SHB: variants seen among roughly 807,000 people sequenced by gnomAD.
The protein encoded by SHB is SH2 domain containing adaptor protein B.
Under a neutral mutation model 52.3 loss-of-function variants are expected in SHB, and 20 were observed. That is an observed-to-expected ratio of 0.38 (90% CI 0.27 to 0.56). The LOEUF is 0.56. SHB is among the 20% of genes least tolerant of loss of function. SHB has a pLI of 0.71. For synonymous variants in SHB, 397 were observed against 316.5 expected, an observed-to-expected ratio of 1.25 and a Z score of -2.70; for missense variants, 825 against 723.3, an observed-to-expected ratio of 1.14 and a Z score of -1.61.
chr9:38,034,691 G>A (rs1018187624), intron 1 of SHB, among the ~76,000 whole-genome samples: 1 of 152,252 alleles, frequency 6.6e-6, no homozygotes, highest in South Asian at 2.1e-4. Context: ...CATGTTTTTG[G>A]TTTGTTCATT....
intron 2 of SHB, among the ~76,000 whole-genome samples, chr9:38,013,528 T>G (rs1821169307): frequency 6.6e-6 from 1 of 152,206 alleles, no homozygotes; most frequent in Non-Finnish European, 1.5e-5. Flanking sequence ...TGCTTGAGCC[T>G]GGGAGGCGAA....
intron 3 of SHB, among the ~76,000 whole-genome samples, chr9:37,959,968 C>T (rs1181101647): frequency 6.6e-6 from 1 of 152,128 alleles, no homozygotes; most frequent in African/African-American, 2.4e-5. Flanking sequence ...ACTTAATGAA[C>T]TGCTGTTTAG....
chr9:37,919,837 G>A lies in SHB; in HGVS notation c.1514C>T (p.Ala505Val). The A allele has an allele frequency of 6.2e-7, 1 of 1,613,650 alleles. No individual in the cohort carries two copies. Among genetic ancestry groups the A allele is most frequent in the Non-Finnish European group, 8.5e-7 (1 of 1,179,926 alleles). The part of the protein sequence containing the change: ...AEHLSLLYPV[A>V]VRTL ...CTGGTCCGCTCACAGGGTCCTCACA[G>A]CCACGGGATAGAGGAGGGACAAGTG... The change falls in exon 6 of 6, where the codon GCT (alanine) becomes GTT (valine). Residue 505 changes from alanine to valine, a missense_variant. Transcript: ENST00000377707.
chr9:38,009,776 T>C (rs1156877788), intron 2 of SHB, among the ~76,000 whole-genome samples: 2 of 152,220 alleles, frequency 1.3e-5, no homozygotes, highest in Non-Finnish European at 2.9e-5. Flanking sequence ...AGAAGGCCAG[T>C]TGTAAGCAAG....
chr9:37,919,526 T>C lies in SHB; in HGVS notation c.*295A>G. 1.7e-5 allele frequency: 3 copies of C among 174,856 alleles called. No individual in the cohort carries two copies. Among genetic ancestry groups the C allele is most frequent in the South Asian group, 1.0e-4 (1 of 9,760 alleles). The allele number at this position is 174,856 out of a possible 1,614,324, so 10.8% of individuals were successfully genotyped here. A position where few individuals can be genotyped will look rare whatever the true frequency, so the allele number is the denominator to read the frequency against. On this transcript the variant is annotated 3_prime_UTR_variant, in exon 6 of 6. Coordinates refer to ENST00000377707, the MANE Select transcript of SHB (RefSeq NM_003028.3). ...CCCCGCCCCTCGGAGCTGGTCTGCC[T>C]TTGTTCATCCTGGAAGGCATCTCTT... is the stretch of plus-strand genomic sequence containing the variant.
chr9:37,950,719 C>T (rs1234584196), intron 4 of SHB, among the ~76,000 whole-genome samples: 2 of 152,154 alleles, frequency 1.3e-5, no homozygotes, highest in African/African-American at 4.8e-5. Flanking sequence ...AGGATCATGC[C>T]AACCTCTCTT....
chr9:38,011,410 A>T (rs1821141498), intron 2 of SHB, among the ~76,000 whole-genome samples: 1 of 152,172 alleles, frequency 6.6e-6, no homozygotes, highest in Non-Finnish European at 1.5e-5. Context: ...GAAGATGAAA[A>T]GGGGAAATAG....
At chr9:38,010,787 C>A (rs934000009) in intron 2 of SHB, among the ~76,000 whole-genome samples, 1 of 152,182 alleles carries the variant, frequency 6.6e-6, no homozygotes, top group Non-Finnish European at 1.5e-5. Flanking sequence ...CAACACAGCC[C>A]GGCCTGGAGC....
chr9:38,058,832 C>T (rs1383299229), intron 1 of SHB, among the ~76,000 whole-genome samples: 1 of 152,304 alleles, frequency 6.6e-6, no homozygotes, highest in African/African-American at 2.4e-5. Context: ...GAATGCCGTC[C>T]TTGGAGAGCG....
intron 4 of SHB, among the ~76,000 whole-genome samples, chr9:37,953,027 A>G (rs898942530): frequency 6.6e-6 from 1 of 151,940 alleles, no homozygotes; most frequent in African/African-American, 2.4e-5. Context: ...TGAGCCCTGG[A>G]AAGTCAGACC....
chr9:38,025,136 A>G (rs1821325903), intron 1 of SHB, among the ~76,000 whole-genome samples: 1 of 152,152 alleles, frequency 6.6e-6, no homozygotes, highest in Admixed American at 6.5e-5. Flanking sequence ...GAGTATAATC[A>G]CCACAACTGC....
At chr9:37,930,403 G>A (rs183475170) in intron 5 of SHB, among the ~76,000 whole-genome samples, 9 of 152,274 alleles carry the variant, frequency 5.9e-5, no homozygotes, top group Admixed American at 3.9e-4. Flanking sequence ...GTGACAAGCT[G>A]GGGTGGGGGA....
intron 1 of SHB, among the ~76,000 whole-genome samples, chr9:38,055,960 G>A (rs1438434608): frequency 6.6e-6 from 1 of 152,138 alleles, no homozygotes; most frequent in Non-Finnish European, 1.5e-5. Flanking sequence ...CTGCTGTGGT[G>A]GGTAAAGATG....
intron 2 of SHB, among the ~76,000 whole-genome samples, chr9:37,988,865 T>C (rs1820844426): frequency 6.6e-6 from 1 of 152,212 alleles, no homozygotes; most frequent in Non-Finnish European, 1.5e-5. Context: ...CTGACTGCCT[T>C]TGAGCTGGGG....
intron 2 of SHB, among the ~76,000 whole-genome samples, chr9:37,992,872 CACACACAA>C (rs1331379565): frequency 8.3e-6 from 1 of 120,684 alleles, no homozygotes; most frequent in Non-Finnish European, 1.9e-5. Flanking sequence ...TGCATGCACA[CACACACAA>C]ACACACACAC....
intron 3 of SHB, among the ~76,000 whole-genome samples, chr9:37,960,572 G>C (rs948000114): frequency 3.3e-5 from 5 of 152,208 alleles, no homozygotes; most frequent in African/African-American, 9.6e-5. Flanking sequence ...GGAAGAGAGA[G>C]GCTGGTCAAT....
At chr9:38,022,478 G>A (rs1267980989) in intron 1 of SHB, among the ~76,000 whole-genome samples, 2 of 152,210 alleles carry the variant, frequency 1.3e-5, no homozygotes, top group African/African-American at 2.4e-5. Context: ...GGCTTGCCGG[G>A]AGCCCTGGCC....
chr9:38,043,318 G>A (rs1821605355), intron 1 of SHB, among the ~76,000 whole-genome samples: 1 of 152,178 alleles, frequency 6.6e-6, no homozygotes, highest in Non-Finnish European at 1.5e-5. Flanking sequence ...AGACACATAG[G>A]GGACTGAACC....
At chr9:37,993,273 T>C (rs970558155) in intron 2 of SHB, among the ~76,000 whole-genome samples, 5 of 152,066 alleles carry the variant, frequency 3.3e-5, no homozygotes, top group Non-Finnish European at 7.4e-5. Context: ...TGTGTGCGCG[T>C]GTGTGTGTTA....
Sources: allele counts gnomAD v4.1 joint callset (sites outside exome capture counted in the v4.1 genomes callset), GRCh38; gene constraint gnomAD v4.1.1; transcripts MANE v1.5; gene names NCBI Gene and HGNC (gene_info 2026-07-23, HGNC 2026-07-21).